The following CUL1 variants were observed in gnomAD, a reference collection of about 807,000 sequenced individuals.
The protein encoded by CUL1 is cullin 1.
In CUL1, 24 loss-of-function variants were observed where a neutral mutation model predicts 118.0. The ratio of observed to expected loss-of-function variants is 0.20; its 90% CI spans 0.15 to 0.29. The LOEUF is 0.29. CUL1 is among the 10% of genes least tolerant of loss of function. CUL1 has a pLI of 1.00. For missense variants in CUL1, 361 were observed against 933.8 expected (o/e 0.39, Z 7.99); for synonymous variants, 332 against 340.4 (o/e 0.98, Z 0.27).
intron 2 of CUL1, among the ~76,000 whole-genome samples, chr7:148,752,111 C>CA (rs971785616): frequency 2.7e-4 from 41 of 151,188 alleles, no homozygotes; most frequent in African/African-American, 5.8e-4. Context: ...AACTCCATCT[C>CA]AAAAAAAACA....
intron 2 of CUL1, among the ~76,000 whole-genome samples, chr7:148,735,722 A>G (rs1434851886): frequency 6.6e-6 from 1 of 152,188 alleles, no homozygotes; most frequent in African/African-American, 2.4e-5. Context: ...AAACATAGAA[A>G]GTTTTCATAT....
chr7:148,717,718 T>C (rs1408935026), intron 1 of CUL1, among the ~76,000 whole-genome samples: 1 of 152,188 alleles, frequency 6.6e-6, no homozygotes, highest in Non-Finnish European at 1.5e-5. Flanking sequence ...TTCTGCCTCA[T>C]GCTTGTCTTC....
chr7:148,770,568 A>G (rs1252101984), intron 9 of CUL1, among the ~76,000 whole-genome samples: 1 of 152,116 alleles, frequency 6.6e-6, no homozygotes, highest in East Asian at 1.9e-4. Flanking sequence ...TTTTATTCTT[A>G]TTTGTAAACT....
In CUL1 at chr7:148,798,002, A is replaced by G; in HGVS notation, c.2013A>G (p.Leu671=). 1 of 1,603,682 alleles carries G rather than the reference A, an allele frequency of 6.2e-7. No individual in the cohort carries two copies. Among genetic ancestry groups the G allele is most frequent in the Non-Finnish European group, 8.5e-7 (1 of 1,172,002 alleles). ...VELKPDTLIK[L]YLGYKNKKLR... ...TGAAGCCAGATACCTTAATAAAATT[A>G]TATCTTGGTTATAAAAAGTAAGAAA... Residue 671 remains leucine (L), a synonymous_variant, in exon 19 of 22, where the codon TTA becomes TTG. Coordinates refer to ENST00000325222, the MANE Select transcript of CUL1 (RefSeq NM_003592.3).
intron 1 of CUL1, among the ~76,000 whole-genome samples, chr7:148,717,550 C>G (rs1268860010): frequency 2.0e-5 from 3 of 151,924 alleles, no homozygotes; most frequent in African/African-American, 7.3e-5. Flanking sequence ...TGCTGTTGGT[C>G]TAAGTTGAGC....
intron 11 of CUL1, among the ~76,000 whole-genome samples, chr7:148,785,493 G>A (rs999263711): frequency 1.3e-5 from 2 of 151,754 alleles, no homozygotes; most frequent in East Asian, 3.9e-4. Context: ...TGAGCAGCTG[G>A]GACTACAGGC....
At chr7:148,748,423 G>A (rs1799372194) in intron 2 of CUL1, among the ~76,000 whole-genome samples, 1 of 152,174 alleles carries the variant, frequency 6.6e-6, no homozygotes, top group Non-Finnish European at 1.5e-5. Context: ...AGGCAATGTT[G>A]TTAGGAATAA....
chr7:148,779,996 G>T (rs2005853), intron 9 of CUL1, among the ~76,000 whole-genome samples: 3 of 152,038 alleles, frequency 2.0e-5, no homozygotes, highest in Non-Finnish European at 4.4e-5. Flanking sequence ...GCCCTCGAAC[G>T]TCAGACTCCA....
chr7:148,785,911 G>A (rs901764572), intron 11 of CUL1, among the ~76,000 whole-genome samples: 9 of 152,174 alleles, frequency 5.9e-5, no homozygotes, highest in African/African-American at 2.2e-4. Context: ...TAAAGTTGGA[G>A]ACACCTCTTC....
At chr7:148,701,421 T>C (rs1797718477) in intron 1 of CUL1, among the ~76,000 whole-genome samples, 1 of 152,158 alleles carries the variant, frequency 6.6e-6, no homozygotes, top group Admixed American at 6.5e-5. Flanking sequence ...CCTATGGAAG[T>C]CTGGGAAAGT....
intron 2 of CUL1, among the ~76,000 whole-genome samples, chr7:148,746,754 T>A (rs1799321056): frequency 6.6e-6 from 1 of 152,216 alleles, no homozygotes; most frequent in African/African-American, 2.4e-5. Context: ...AAGTAAAAAT[T>A]CCATCTGATG....
At chr7:148,710,426 A>G (rs1284983949) in intron 1 of CUL1, among the ~76,000 whole-genome samples, 2 of 152,076 alleles carry the variant, frequency 1.3e-5, no homozygotes, top group Non-Finnish European at 2.9e-5. Flanking sequence ...AAAATTAGCC[A>G]GGCATGGTGG....
At chr7:148,780,767 TAC>T (rs1427167077) in intron 9 of CUL1, among the ~76,000 whole-genome samples, 2 of 152,266 alleles carry the variant, frequency 1.3e-5, no homozygotes, top group Non-Finnish European at 2.9e-5. Flanking sequence ...CTCTCGTGAA[TAC>T]ACAGAGGGTC....
chr7:148,711,522 A>G (rs1482018120), intron 1 of CUL1, among the ~76,000 whole-genome samples: 6 of 152,184 alleles, frequency 3.9e-5, no homozygotes, highest in Non-Finnish European at 8.8e-5. Context: ...AAAACAAAAA[A>G]CATAAAAGCC....
chr7:148,754,987 C>G (rs1342240167), intron 3 of CUL1, among the ~76,000 whole-genome samples: 1 of 152,174 alleles, frequency 6.6e-6, no homozygotes, highest in Non-Finnish European at 1.5e-5. Flanking sequence ...CTCCTGGGCT[C>G]AAGCAGTCCT....
chr7:148,797,607 C>A (rs1801247462), intron 17 of CUL1, among the ~76,000 whole-genome samples: 1 of 151,452 alleles, frequency 6.6e-6, no homozygotes, highest in African/African-American at 2.4e-5. Context: ...GTTGATTTCA[C>A]TTCTAGAAGT....
chr7:148,767,606 C>T lies in CUL1; in HGVS notation c.953-13C>T. On this transcript the variant is annotated splice_polypyrimidine_tract_variant and intron_variant, in intron 8 of 21. Coordinates refer to ENST00000325222, the MANE Select transcript of CUL1 (RefSeq NM_003592.3). ...TTTTTTCAGTGCATAAAAGGGGTTT[C>T]TTCCTCTTTCAGATTTGGGACGCAT... is the stretch of plus-strand genomic sequence containing the variant. 6.2e-7 allele frequency: 1 copy of T among 1,612,826 alleles called. No homozygotes were observed. The highest frequency in any genetic ancestry group is 1.1e-5 in the South Asian group (1 of 90,802).
chr7:148,730,120 A>G lies in CUL1; in HGVS notation c.-3A>G. 1.9e-6 allele frequency: 3 copies of G among 1,612,454 alleles called. No individual in the cohort carries two copies. Among genetic ancestry groups the G allele is most frequent in the Non-Finnish European group, 2.5e-6 (3 of 1,179,482 alleles). On this transcript the variant is annotated 5_prime_UTR_variant, in exon 2 of 22. Coordinates refer to ENST00000325222, the MANE Select transcript of CUL1 (RefSeq NM_003592.3). ...ACTGGACGACTTTAGAACATCCCTC[A>G]CAATGTCGTCAACCCGGAGCCAGAA...
At position 148,770,503 on chromosome 7, in the gene CUL1, G is replaced by A. The variant is rs1364253293; in HGVS notation, c.1083+2754G>A. On this transcript the variant is annotated intron_variant, in intron 9 of 21. Coordinates refer to ENST00000325222, the MANE Select transcript of CUL1 (RefSeq NM_003592.3). ...GTTGTGCTTATGAAGTAAAATGTTC[G>A]GGAAAGCAAATACTTTTCCAATTTT... Among the ~76,000 whole-genome samples the A allele has an allele frequency of 3.3e-5, 5 of 152,148 alleles. 1 individual carries two copies. The highest frequency in any genetic ancestry group is 1.3e-4 in the Admixed American group (2 of 15,270).
Sources: gnomAD v4.1 joint callset for allele counts (sites outside exome capture counted in the v4.1 genomes callset) on GRCh38, gnomAD v4.1.1 for gene constraint, MANE v1.5 for transcripts, NCBI Gene and HGNC (gene_info 2026-07-23, HGNC 2026-07-21) for gene names.